RELN: variants seen among roughly 807,000 people sequenced by gnomAD.
RELN encodes reelin.
In RELN, 108 loss-of-function variants were observed where a neutral mutation model predicts 427.6. The ratio of observed to expected loss-of-function variants is 0.25; its 90% CI spans 0.22 to 0.30. The LOEUF (loss-of-function observed/expected upper bound fraction) is 0.30. Among genes scored for constraint, RELN ranks in the 10% least tolerant of loss-of-function variants. The pLI is 1.00. For synonymous variants in RELN, 1,524 were observed against 1,513.4 expected (o/e 1.01, Z -0.16); for missense variants, 3,715 against 4,302.8 (o/e 0.86, Z 3.82).
chr7:103,931,641 C>A (rs1431369074), intron 1 of RELN, among the ~76,000 whole-genome samples: 1 of 152,216 alleles, frequency 6.6e-6, no homozygotes, highest in Non-Finnish European at 1.5e-5. Flanking sequence ...CCTTATGACT[C>A]TTCTATCTTG....
rs114459521 is a variant in RELN, at chr7:103,705,538, T to A, written c.806-4532A>T. On this transcript the variant is annotated intron_variant, in intron 8 of 64. Transcript: ENST00000428762. ...CTTAATTTTTCTTATTTGAGAGAAG[T>A]CTACATGATAATGAATTCAATGCTT... Among the ~76,000 whole-genome samples the A allele has an allele frequency of 7.2e-3, 1,101 of 152,324 alleles. 19 individuals carry two copies. Among genetic ancestry groups the A allele is most frequent in the African/African-American group, 0.025 (1,052 of 41,568 alleles).
chr7:103,684,851 G>T (rs895220716), intron 10 of RELN, among the ~76,000 whole-genome samples: 5 of 152,052 alleles, frequency 3.3e-5, no homozygotes, highest in Non-Finnish European at 5.9e-5. Flanking sequence ...TATTCCATAT[G>T]CCTAGCAAAG....
In RELN at chr7:103,515,276, G is replaced by A. The variant is rs777057396; in HGVS notation, c.8028C>T (p.Ser2676=). Residue 2676 remains serine, a synonymous_variant, in exon 50 of 65, where the codon AGC becomes AGT. Transcript: ENST00000428762. Reference sequence around the variant, plus strand: ...AGCGCTCATGCTGGGGTACTGGGGCGCTGCTGAAGGTGTCCAGCATAACGG... The same window carrying A: ...AGCGCTCATGCTGGGGTACTGGGGCACTGCTGAAGGTGTCCAGCATAACGG... ...QRTVMLDTFS[S]APVPQHERSP... is the part of the protein sequence containing the mutation. 1.5e-5 allele frequency: 25 copies of A among 1,614,028 alleles called. No homozygotes were observed. Among genetic ancestry groups the A allele is most frequent in the Middle Eastern group, 1.6e-4 (1 of 6,084 alleles).
chr7:103,487,289 A>G (rs1322939143), intron 60 of RELN, among the ~76,000 whole-genome samples: 1 of 152,098 alleles, frequency 6.6e-6, no homozygotes, highest in Non-Finnish European at 1.5e-5. Context: ...TAGCATTAGG[A>G]GAAATACCTA....
chr7:103,584,433 G>T (rs190142196), intron 28 of RELN, among the ~76,000 whole-genome samples: 1 of 152,118 alleles, frequency 6.6e-6, no homozygotes. Context: ...TAAGATAAAA[G>T]ACTGTAATTC....
rs187457241 is a variant in RELN at position 103,606,391 on chromosome 7, G to T, written c.3009-1908C>A. The stretch of plus-strand genomic sequence containing the variant: ...ATGAAGAATGTACTAGTAGTTGGGG[G>T]ACAAGGCCCCCAGGACCCTGGTTCT... On this transcript the variant is annotated intron_variant, in intron 22 of 64. Coordinates refer to ENST00000428762, the MANE Select transcript of RELN (RefSeq NM_005045.4). 8.5e-4 allele frequency among the ~76,000 whole-genome samples: 130 copies of T among 152,274 alleles called. 2 individuals are homozygous for T. The highest frequency in any genetic ancestry group is 2.9e-3 in the African/African-American group (120 of 41,574).
intron 6 of RELN, among the ~76,000 whole-genome samples, chr7:103,739,592 C>T (rs1046197980): frequency 6.6e-6 from 1 of 152,158 alleles, no homozygotes; most frequent in South Asian, 2.1e-4. Flanking sequence ...GCTTGTGGTC[C>T]AGGGTAAAGT....
intron 58 of RELN, among the ~76,000 whole-genome samples, 189 bp downstream of exon 58, chr7:103,491,764 G>A (rs556089544): frequency 6.6e-6 from 1 of 151,388 alleles, no homozygotes; most frequent in South Asian, 2.1e-4. Flanking sequence ...GGGAGGCGGA[G>A]GTTGCGGTGA....
chr7:103,631,661 T>C (rs1832470328), intron 19 of RELN, among the ~76,000 whole-genome samples: 1 of 152,180 alleles, frequency 6.6e-6, no homozygotes, highest in South Asian at 2.1e-4. Context: ...CTTTCTAAAA[T>C]CTGTAAAATT....
At chr7:103,959,886 C>A (rs957870511) in intron 1 of RELN, among the ~76,000 whole-genome samples, 1 of 152,140 alleles carries the variant, frequency 6.6e-6, no homozygotes, top group African/African-American at 2.4e-5. Context: ...AGGCATGAGC[C>A]ACTGCACCCA....
chr7:103,766,616 C>T (rs1791430694), intron 4 of RELN, among the ~76,000 whole-genome samples: 1 of 152,242 alleles, frequency 6.6e-6, no homozygotes, highest in African/African-American at 2.4e-5. Context: ...TCTTGTTAAA[C>T]TCTTCTGCCC....
At chr7:103,580,984 G>A (rs1831117654) in intron 28 of RELN, among the ~76,000 whole-genome samples, 1 of 152,190 alleles carries the variant, frequency 6.6e-6, no homozygotes, top group African/African-American at 2.4e-5. Context: ...GAATGCAGTG[G>A]TGGAGGTGAA....
At position 103,561,875 on chromosome 7, in the gene RELN, T is replaced by C. The variant is rs1197000172; in HGVS notation, c.5289A>G (p.Val1763=). 4.4e-6 allele frequency: 7 copies of C among 1,601,408 alleles called. No homozygotes were observed. Among genetic ancestry groups the C allele is most frequent in the African/African-American group, 1.4e-5 (1 of 72,344 alleles). Residue 1763 remains valine, a synonymous_variant, in exon 35 of 65, where the codon GTA becomes GTG. Transcript: ENST00000428762. ...ACATCCAAGGGCACCCTGAGGCCAG[T>C]ACAACATTATCAATCGCCCAGGAAT... is the stretch of plus-strand genomic sequence containing the variant. ...GADSWAIDNV[V]LASGCPWMCS...
intron 22 of RELN, among the ~76,000 whole-genome samples, chr7:103,604,792 T>C (rs1174039379): frequency 6.6e-6 from 1 of 151,442 alleles, no homozygotes; most frequent in Non-Finnish European, 1.5e-5. Context: ...AGAAAGAACA[T>C]TAAAAAATAA....
At chr7:103,670,385 TTGTC>T (rs1301431120) in intron 11 of RELN, among the ~76,000 whole-genome samples, 13 of 152,136 alleles carry the variant, frequency 8.5e-5, no homozygotes, top group South Asian at 2.1e-4. Context: ...ACAATATTCT[TTGTC>T]TGTCAACATG....
intron 29 of RELN, 140 bp downstream of exon 29, chr7:103,575,408 T>C: frequency 1.1e-6 from 1 of 935,360 alleles, no homozygotes; most frequent in East Asian, 2.5e-5. Flanking sequence ...CTCATGTGCC[T>C]GGGTTGTGAA....
chr7:103,835,874 C>T (rs535831391), intron 2 of RELN, among the ~76,000 whole-genome samples: 2 of 152,064 alleles, frequency 1.3e-5, no homozygotes, highest in Non-Finnish European at 2.9e-5. Flanking sequence ...TGATTTTCTT[C>T]CTGCCCACCA....
intron 60 of RELN, among the ~76,000 whole-genome samples, chr7:103,487,556 C>T (rs13229533): frequency 0.13 from 20,268 of 151,078 alleles, 1,747 homozygotes; most frequent in East Asian, 0.29. Context: ...AAAAAAAATC[C>T]AATTTTCTTT....
intron 10 of RELN, among the ~76,000 whole-genome samples, chr7:103,696,152 T>C (rs1483543334): frequency 3.9e-5 from 6 of 152,172 alleles, no homozygotes; most frequent in Admixed American, 3.9e-4. Flanking sequence ...CTTGTGATCC[T>C]CACCCCTTTC....
Sources: gnomAD v4.1 joint callset for allele counts (sites outside exome capture counted in the v4.1 genomes callset) on GRCh38, gnomAD v4.1.1 for gene constraint, MANE v1.5 for transcripts, NCBI Gene and HGNC (gene_info 2026-07-23, HGNC 2026-07-21) for gene names.